The following PTPRN2 variants were observed in gnomAD, a reference collection of about 807,000 sequenced individuals.
PTPRN2 encodes receptor-type tyrosine-protein phosphatase N2.
Under a neutral mutation model 118.8 loss-of-function variants are expected in PTPRN2, and 74 were observed. The ratio of observed to expected loss-of-function variants is 0.62; its 90% confidence interval spans 0.52 to 0.76. PTPRN2 has a LOEUF of 0.76. PTPRN2 is among the 30% of genes least tolerant of loss of function. PTPRN2 has a pLI of 0.00. For synonymous variants in PTPRN2, 641 were observed against 608.0 expected (o/e 1.05, Z -0.80); for missense variants, 1,481 against 1,394.4 (o/e 1.06, Z -0.99).
chr7:158,424,875 G>A (rs916340591), intron 2 of PTPRN2, among the ~76,000 whole-genome samples: 1 of 151,718 alleles, frequency 6.6e-6, no homozygotes, highest in African/African-American at 2.4e-5. Context: ...CCCACGCCAG[G>A]TGTGCTCAGC....
In PTPRN2 at chr7:157,627,941, G is replaced by T. The variant is rs1193691044; in HGVS notation, c.2197-6432C>A. On this transcript the variant is annotated intron_variant, in intron 14 of 22. Transcript: ENST00000389418. This position sits in a 1 kb window ranked among gnomAD's most constrained non-coding sequence, Gnocchi z 4.2. ...CATCAGCGCTCACATAATCTACTTTGTTAGAGATATGAACTCAATCTAAGG... is the reference window on the plus strand; with the variant it reads ...CATCAGCGCTCACATAATCTACTTTTTTAGAGATATGAACTCAATCTAAGG... Among the ~76,000 whole-genome samples, 3 of 152,198 alleles carry T rather than the reference G, an allele frequency of 2.0e-5. No individual in the cohort carries two copies. Among genetic ancestry groups the T allele is most frequent in the African/African-American group, 7.2e-5 (3 of 41,446 alleles).
intron 12 of PTPRN2, among the ~76,000 whole-genome samples, chr7:157,696,313 C>T (rs1186595267): frequency 1.6e-5 from 2 of 123,218 alleles, no homozygotes; most frequent in Non-Finnish European, 3.4e-5. Context: ...ACCATCTACC[C>T]ATGCATACTG....
chr7:157,594,021 C>T (rs576215755), intron 17 of PTPRN2, among the ~76,000 whole-genome samples: 4 of 152,370 alleles, frequency 2.6e-5, no homozygotes, highest in African/African-American at 7.2e-5. Flanking sequence ...CTGGCGTCAT[C>T]CGAGCTGTCC....
chr7:157,561,295 G>A (rs1799180134), intron 21 of PTPRN2, among the ~76,000 whole-genome samples: 1 of 152,230 alleles, frequency 6.6e-6, no homozygotes, highest in Non-Finnish European at 1.5e-5. Flanking sequence ...GCACCTGCCT[G>A]GGTTCTCCCA....
intron 11 of PTPRN2, among the ~76,000 whole-genome samples, chr7:157,928,742 G>A (rs1242168377): frequency 6.7e-6 from 1 of 148,806 alleles, no homozygotes; most frequent in Non-Finnish European, 1.5e-5. Flanking sequence ...GGTGGAAGAT[G>A]AGAGGGTGGG....
At chr7:157,601,611 C>A (rs527254138) in intron 16 of PTPRN2, among the ~76,000 whole-genome samples, 2 of 152,228 alleles carry the variant, frequency 1.3e-5, no homozygotes, top group East Asian at 1.9e-4. Flanking sequence ...ACACACACCC[C>A]CTCTGGTTCC....
chr7:157,574,504 G>C (rs1485959779), intron 19 of PTPRN2: 1 of 405,920 alleles, frequency 2.5e-6, no homozygotes, highest in Non-Finnish European at 5.5e-6. Context: ...AGAAGGGAGA[G>C]AGTAATAATG....
At chr7:158,333,953 G>A (rs1192903861) in intron 2 of PTPRN2, among the ~76,000 whole-genome samples, 1 of 19,278 alleles carries the variant, frequency 5.2e-5, no homozygotes, top group African/African-American at 2.2e-4. Context: ...CGCCCGCAGA[G>A]GTCACTCACA....
At chr7:158,562,242 G>A (rs1586946734) in intron 1 of PTPRN2, among the ~76,000 whole-genome samples, 3 of 152,226 alleles carry the variant, frequency 2.0e-5, no homozygotes, top group Admixed American at 6.5e-5. Context: ...ACGCCTTCTC[G>A]CCATGGTCTC....
rs1169541311 is a variant in PTPRN2 at position 157,571,473 on chromosome 7, C to A, written c.2804G>T (p.Arg935Met). 18 of 1,609,776 alleles carry A rather than the reference C, an allele frequency of 1.1e-5. No individual in the cohort carries two copies. Among genetic ancestry groups the A allele is most frequent in the Non-Finnish European group, 1.5e-5 (18 of 1,177,596 alleles). The stretch of plus-strand genomic sequence containing the variant: ...AACAATTATTGGACAAGAACGGCCC[C>A]TGTAGCACTTGTTTACTTTTCTGAA... ...DFRRKVNKCY[R>M]GRSCPIIVHC... is the part of the protein sequence containing the mutation. The change falls in exon 20 of 23, where the codon AGG becomes ATG. Residue 935 changes from arginine (R) to methionine (M), a missense_variant. Around this residue, in one of 3 missense-constraint regions of PTPRN2, gnomAD observed 362 missense variants for 384.1 expected, o/e 0.94. Transcript: ENST00000389418.
At chr7:158,441,406 G>T (rs1027208685) in intron 2 of PTPRN2, among the ~76,000 whole-genome samples, 6 of 149,380 alleles carry the variant, frequency 4.0e-5, no homozygotes, top group Admixed American at 1.3e-4. Context: ...GATGGTCATG[G>T]TAGTGGTGGT....
At chr7:158,113,856 C>T (rs1340039551) in intron 9 of PTPRN2, among the ~76,000 whole-genome samples, 1 of 152,142 alleles carries the variant, frequency 6.6e-6, no homozygotes, top group East Asian at 1.9e-4. Context: ...AATCCGGGAC[C>T]AGCTGGGGCA....
intron 12 of PTPRN2, among the ~76,000 whole-genome samples, chr7:157,793,610 G>T (rs900912213): frequency 2.6e-5 from 4 of 152,246 alleles, no homozygotes; most frequent in African/African-American, 9.6e-5. Flanking sequence ...CTCGCCCTCC[G>T]GCTGTCAGGA....
At chr7:158,336,990 G>T (rs1011621968) in intron 2 of PTPRN2, among the ~76,000 whole-genome samples, 1 of 32,088 alleles carries the variant, frequency 3.1e-5, no homozygotes, top group African/African-American at 6.9e-5. Flanking sequence ...GCCCGCAGAC[G>T]TCACTCACAC....
chr7:157,849,780 AT>A (rs1225461268), intron 12 of PTPRN2, among the ~76,000 whole-genome samples: 1 of 152,162 alleles, frequency 6.6e-6, no homozygotes, highest in Non-Finnish European at 1.5e-5. Flanking sequence ...GCCACAGCTC[AT>A]GGCCAGGTCT....
chr7:157,561,680 G>T (rs1799198746), intron 21 of PTPRN2, among the ~76,000 whole-genome samples: 1 of 152,250 alleles, frequency 6.6e-6, no homozygotes, highest in East Asian at 1.9e-4. Flanking sequence ...CTTCCATTCA[G>T]TGAAAAGCTT....
chr7:157,886,822 G>A lies in PTPRN2; in HGVS notation c.1788+11851C>T, dbSNP rs1584952288. Among the ~76,000 whole-genome samples, 3 of 152,234 alleles carry A rather than the reference G, an allele frequency of 2.0e-5. 1 individual carries two copies. ...TGTCACAGAGACAAACCCACAGCGG[G>A]TCTATCCTGGGGCCATCGAGGTCTT... On this transcript the variant is annotated intron_variant, in intron 12 of 22. Coordinates refer to ENST00000389418, the MANE Select transcript of PTPRN2 (RefSeq NM_002847.5).
chr7:158,089,810 A>G (rs66526269), intron 10 of PTPRN2, among the ~76,000 whole-genome samples: 35,020 of 62,854 alleles, frequency 0.56, 12,745 homozygotes, highest in South Asian at 0.84. Flanking sequence ...CTGACGAAAG[A>G]GGGAGTCTTC....
intron 3 of PTPRN2, among the ~76,000 whole-genome samples, chr7:158,296,548 G>T (rs981445589): frequency 6.6e-6 from 1 of 152,178 alleles, no homozygotes; most frequent in Non-Finnish European, 1.5e-5. Flanking sequence ...AACACAAGCC[G>T]CCCACAGACG....
Sources: allele counts gnomAD v4.1 joint callset (sites outside exome capture counted in the v4.1 genomes callset), GRCh38; gene constraint gnomAD v4.1.1; regional missense constraint gnomAD v4.1.1; non-coding constraint Gnocchi (gnomAD v3.1); transcripts MANE v1.5; gene names NCBI Gene and HGNC (gene_info 2026-07-23, HGNC 2026-07-21).